Variants in TPM1 observed in about 807,000 individuals in gnomAD.
TPM1 encodes tropomyosin alpha-1 chain.
Under a neutral mutation model 42.9 loss-of-function variants are expected in TPM1, and 24 were observed. That is an observed-to-expected ratio of 0.56 (90% CI 0.41 to 0.79). The LOEUF is 0.79. TPM1 is among the 30% of genes least tolerant of loss of function. TPM1 has a pLI of 0.00. For missense variants in TPM1, 158 were observed against 351.8 expected, an observed-to-expected ratio of 0.45 and a Z score of 4.41; for synonymous variants, 136 against 130.1, an observed-to-expected ratio of 1.05 and a Z score of -0.31.
intron 2 of TPM1, among the ~76,000 whole-genome samples, chr15:63,051,573 C>T (rs1290459839): frequency 1.3e-5 from 2 of 151,826 alleles, no homozygotes. Flanking sequence ...CATATAAGGG[C>T]AGAAGTTTAG....
intron 2 of TPM1, 96 bp downstream of exon 2, chr15:63,044,248 T>A: frequency 6.3e-7 from 1 of 1,589,172 alleles, no homozygotes; most frequent in Middle Eastern, 1.9e-4. Context: ...AGTTTACCTT[T>A]TCCTGCTGGA....
downstream of TPM1, chr15:63,070,744 T>C: frequency 9.1e-7 from 1 of 1,101,640 alleles, no homozygotes; most frequent in Non-Finnish European, 1.1e-6. Flanking sequence ...TTCTTCAGTT[T>C]GTATAACAGT....
intron 2 of TPM1, among the ~76,000 whole-genome samples, chr15:63,052,756 T>A (rs2034137258): frequency 6.6e-6 from 1 of 150,388 alleles, no homozygotes; most frequent in Admixed American, 6.6e-5. Flanking sequence ...AATATTGAAA[T>A]AAGCTCAAAA....
At chr15:63,048,510 C>A (rs1215708213) in intron 2 of TPM1, 1 of 1,474,698 alleles carries the variant, frequency 6.8e-7, no homozygotes, top group Admixed American at 2.3e-5. Context: ...CCGCGGCAGC[C>A]GGGTCCGCAG....
At chr15:63,048,292 T>G (rs747279772) in intron 2 of TPM1, 21 of 758,136 alleles carry the variant, frequency 2.8e-5, no homozygotes, top group African/African-American at 2.4e-4. Flanking sequence ...CGGGAGCGCC[T>G]TTCTCCCCGC....
At chr15:63,065,077 A>G in intron 9 of TPM1, 1 of 985,236 alleles carries the variant, frequency 1.0e-6, no homozygotes, top group Non-Finnish European at 1.2e-6. Context: ...ATTTACCACA[A>G]CCTGTGTCAA....
chr15:63,057,174 G>T (rs531649718), intron 3 of TPM1, 56 bp downstream of exon 3: 3 of 1,610,180 alleles, frequency 1.9e-6, no homozygotes, highest in African/African-American at 2.7e-5. Flanking sequence ...GGAATAAACC[G>T]GAGGGCTCCT....
intron 8 of TPM1, chr15:63,063,301 A>AC: frequency 1.0e-6 from 1 of 985,476 alleles, no homozygotes; most frequent in Non-Finnish European, 1.2e-6. Flanking sequence ...TAGAGAAGGA[A>AC]CTAGTGTTTG....
At chr15:63,052,005 G>T (rs149724941) in intron 2 of TPM1, among the ~76,000 whole-genome samples, 291 of 151,224 alleles carry the variant, frequency 1.9e-3, no homozygotes, top group Admixed American at 4.2e-3. Context: ...TGGGGTGCAT[G>T]CCCTTAGAGG....
chr15:63,057,478 A>T (rs115811620), intron 3 of TPM1, among the ~76,000 whole-genome samples: 1,863 of 152,344 alleles, frequency 0.012, 46 homozygotes, highest in African/African-American at 0.04. Flanking sequence ...TTTAAAGTGT[A>T]ACTTTATTTT....
At position 63,051,897 on chromosome 15, in the gene TPM1, T is replaced by A. The variant is rs528918999; in HGVS notation, c.241-5088T>A. ...AATCTAGGCCTCATAAAAGTTGTTT[T>A]TTTTTTTTTTTTTCAAATCTGATTT... On this transcript the variant is annotated intron_variant, in intron 2 of 9. Transcript: ENST00000403994. 9.9e-5 allele frequency among the ~76,000 whole-genome samples: 15 copies of A among 151,676 alleles called. No homozygotes were observed. The South Asian group carries it at 1.7e-3, about 17-fold the overall frequency.
intron 2 of TPM1, among the ~76,000 whole-genome samples, chr15:63,050,539 G>A (rs1321059346): frequency 6.6e-6 from 1 of 152,198 alleles, no homozygotes; most frequent in Non-Finnish European, 1.5e-5. Flanking sequence ...TTTGCACGTC[G>A]TTTTTATAAC....
At chr15:63,048,467 G>A in intron 2 of TPM1, 1 of 1,390,462 alleles carries the variant, frequency 7.2e-7, no homozygotes, top group Non-Finnish European at 9.2e-7. Flanking sequence ...AGAGGCCTGG[G>A]CGGGGCGGAC....
chr15:63,048,655 G>A (rs2033064489), intron 2 of TPM1: 5 of 1,538,768 alleles, frequency 3.2e-6, no homozygotes, highest in Non-Finnish European at 4.4e-6. Flanking sequence ...GCTGAGGAGC[G>A]CGCGGGCACC....
intron 2 of TPM1, chr15:63,045,069 A>G (rs938012706): frequency 6.6e-6 from 1 of 152,152 alleles, no homozygotes; most frequent in Admixed American, 6.5e-5. Context: ...TAGAGGCCCA[A>G]TTAGAAAAGA....
downstream of TPM1, chr15:63,070,889 G>C: frequency 2.9e-6 from 4 of 1,364,500 alleles, no homozygotes; most frequent in Non-Finnish European, 3.8e-6. Context: ...GTGAGAATCC[G>C]TGCCATGGCT....
intron 2 of TPM1, chr15:63,045,883 C>T (rs2140660267): frequency 6.6e-6 from 1 of 152,128 alleles, no homozygotes; most frequent in Non-Finnish European, 1.5e-5. Context: ...CTAAATCTGG[C>T]ATATATGGCT....
chr15:63,063,143 A>C, intron 8 of TPM1: 1 of 982,330 alleles, frequency 1.0e-6, no homozygotes, highest in Non-Finnish European at 1.2e-6. Flanking sequence ...AATTATACTT[A>C]AGCATTTCTT....
At chr15:63,045,485 A>T (rs763557268) in intron 2 of TPM1, 9 of 152,230 alleles carry the variant, frequency 5.9e-5, no homozygotes, top group Non-Finnish European at 8.8e-5. Flanking sequence ...CCTGCTCTAT[A>T]TATGGCTAAA....
Sources: allele counts gnomAD v4.1 joint callset (sites outside exome capture counted in the v4.1 genomes callset), GRCh38; gene constraint gnomAD v4.1.1; transcripts MANE v1.5; gene names NCBI Gene and HGNC (gene_info 2026-07-23, HGNC 2026-07-21).